RAPGEF5: variants seen among roughly 807,000 people sequenced by gnomAD.
RAPGEF5 encodes the protein Rap guanine nucleotide exchange factor 5, also known as M-Ras-regulated GEF.
In RAPGEF5, 65 loss-of-function variants were observed where a neutral mutation model predicts 125.2. The ratio of observed to expected loss-of-function variants is 0.52; its 90% CI spans 0.43 to 0.64. RAPGEF5 has a LOEUF of 0.64. RAPGEF5 is among the 30% of genes least tolerant of loss of function. RAPGEF5 has a pLI of 0.00. For missense variants in RAPGEF5, 958 were observed against 1,048.1 expected, an observed-to-expected ratio of 0.91 and a Z score of 1.19; for synonymous variants, 391 against 385.9, an observed-to-expected ratio of 1.01 and a Z score of -0.16.
chr7:22,125,514 G>C, intron 25 of RAPGEF5, 90 bp downstream of exon 25: 1 of 1,247,122 alleles, frequency 8.0e-7, no homozygotes, highest in Non-Finnish European at 1.2e-6. Context: ...TTTTCAATCT[G>C]TTTAAATTGA....
intron 11 of RAPGEF5, among the ~76,000 whole-genome samples, chr7:22,172,844 T>C (rs1011220059): frequency 2.0e-5 from 3 of 152,200 alleles, no homozygotes; most frequent in Non-Finnish European, 2.9e-5. Flanking sequence ...TTTTCAACAC[T>C]CATAAGCAAA....
intron 9 of RAPGEF5, among the ~76,000 whole-genome samples, chr7:22,211,266 A>G (rs1262848886): frequency 6.6e-6 from 1 of 152,258 alleles, no homozygotes; most frequent in Non-Finnish European, 1.5e-5. Context: ...CAACCAAAGT[A>G]TATGAATGAC....
chr7:22,321,462 C>T lies in RAPGEF5; in HGVS notation c.232-3425G>A, dbSNP rs141638423. Among the ~76,000 whole-genome samples the T allele has an allele frequency of 2.8e-3, 422 of 152,270 alleles. 1 individual carries two copies. The highest frequency in any genetic ancestry group is 9.5e-3 in the African/African-American group (396 of 41,546). ...TTCATTAGTCCTTAAAAGAGATAGG[C>T]ACAGTTTCCATCAGTTTTTAAAGGA... is the stretch of plus-strand genomic sequence containing the variant. On this transcript the variant is annotated intron_variant, in intron 1 of 25. Coordinates refer to ENST00000665637, the MANE Select transcript of RAPGEF5 (RefSeq NM_012294.5).
chr7:22,254,379 C>T (rs1188710623), intron 7 of RAPGEF5, among the ~76,000 whole-genome samples: 1 of 151,182 alleles, frequency 6.6e-6, no homozygotes, highest in Non-Finnish European at 1.5e-5. Flanking sequence ...GAGGACGAGG[C>T]GGGCGGATCA....
chr7:22,141,986 A>T (rs1321454703), intron 20 of RAPGEF5, among the ~76,000 whole-genome samples: 1 of 152,064 alleles, frequency 6.6e-6, no homozygotes, highest in Admixed American at 6.5e-5. Context: ...GCCTCATTTT[A>T]CTTTTTCTGA....
At chr7:22,232,587 T>A (rs902866025) in intron 7 of RAPGEF5, among the ~76,000 whole-genome samples, 1 of 152,200 alleles carries the variant, frequency 6.6e-6, no homozygotes. Context: ...CCCAAAGTGC[T>A]GGGATTACAA....
At chr7:22,311,954 C>G (rs1783479542) in intron 3 of RAPGEF5, among the ~76,000 whole-genome samples, 1 of 152,214 alleles carries the variant, frequency 6.6e-6, no homozygotes, top group Non-Finnish European at 1.5e-5. Flanking sequence ...CAAAACAATG[C>G]AGGTCCTCAG....
At chr7:22,342,736 A>T (rs998160967) in intron 1 of RAPGEF5, among the ~76,000 whole-genome samples, 7 of 152,226 alleles carry the variant, frequency 4.6e-5, no homozygotes, top group Non-Finnish European at 7.3e-5. Context: ...TTGCTAAAAC[A>T]TAACAAGAGT....
chr7:22,221,049 C>T (rs1022361300), intron 8 of RAPGEF5, among the ~76,000 whole-genome samples: 5 of 152,128 alleles, frequency 3.3e-5, no homozygotes, highest in Non-Finnish European at 7.3e-5. Context: ...AATCTTTGTT[C>T]CCAGGGGCAG....
chr7:22,340,870 C>T (rs1784113373), intron 1 of RAPGEF5, among the ~76,000 whole-genome samples: 1 of 152,144 alleles, frequency 6.6e-6, no homozygotes, highest in African/African-American at 2.4e-5. Context: ...CTCCAGGTAC[C>T]CAGCAACCAA....
At chr7:22,305,831 C>T (rs1783325053) in intron 5 of RAPGEF5, among the ~76,000 whole-genome samples, 2 of 152,186 alleles carry the variant, frequency 1.3e-5, no homozygotes, top group Admixed American at 1.3e-4. Context: ...TGGCGTATGT[C>T]ATTCAACATA....
chr7:22,304,567 C>T lies in RAPGEF5; in HGVS notation c.680+3772G>A, dbSNP rs985785128. ...GCATTCCAATTTGTTTTCCGAGTGG[C>T]GGAGAAGGAGGTGGAGTTAAATCAC... On this transcript the variant is annotated intron_variant, in intron 5 of 25. Coordinates refer to ENST00000665637, the MANE Select transcript of RAPGEF5 (RefSeq NM_012294.5). Among the ~76,000 whole-genome samples the T allele has an allele frequency of 2.0e-4, 31 of 152,158 alleles. No individual in the cohort carries two copies. The East Asian group carries it at 5.6e-3, about 27-fold the overall frequency.
At chr7:22,278,760 AC>A (rs779586935) in intron 6 of RAPGEF5, among the ~76,000 whole-genome samples, 3 of 150,090 alleles carry the variant, frequency 2.0e-5, no homozygotes, top group Admixed American at 6.7e-5. Context: ...AATCCTCTAC[AC>A]AGAGTACAGA....
At chr7:22,129,893 A>G (rs1172137877) in intron 24 of RAPGEF5, among the ~76,000 whole-genome samples, 1 of 152,216 alleles carries the variant, frequency 6.6e-6, no homozygotes, top group Non-Finnish European at 1.5e-5. Context: ...ACTGTTCCCA[A>G]GCTGCTTCAC....
chr7:22,234,742 T>C (rs190800064), intron 7 of RAPGEF5, among the ~76,000 whole-genome samples: 35 of 152,276 alleles, frequency 2.3e-4, no homozygotes, highest in Middle Eastern at 6.8e-3. Flanking sequence ...GGGGCTTAAC[T>C]TGATAGTGCT....
chr7:22,256,272 C>A (rs1786758166), intron 7 of RAPGEF5, among the ~76,000 whole-genome samples: 1 of 152,210 alleles, frequency 6.6e-6, no homozygotes, highest in South Asian at 2.1e-4. Flanking sequence ...GTCCTTGAGG[C>A]AAAAAATTCC....
chr7:22,119,994 G>T lies in RAPGEF5; in HGVS notation c.*2412C>A, dbSNP rs989168862. The stretch of plus-strand genomic sequence containing the variant: ...TTCGGGCTTGAATTCTTTAATTCCA[G>T]ATCTAAGATTCTGCAAAGCTTTGGA... On this transcript the variant is annotated 3_prime_UTR_variant, in exon 26 of 26. Transcript: ENST00000665637. The surrounding 1 kb of genome is among the most constrained non-coding windows in gnomAD (Gnocchi z 4.1). The T allele has an allele frequency of 8.5e-5, 13 of 152,308 alleles. No homozygotes were observed. Among genetic ancestry groups the T allele is most frequent in the African/African-American group, 2.9e-4 (12 of 41,556 alleles). 9.4% of individuals were successfully genotyped at this position (152,308 alleles called of 1,614,324 possible). A position where few individuals can be genotyped will look rare whatever the true frequency, so the allele number is the denominator to read the frequency against.
intron 11 of RAPGEF5, among the ~76,000 whole-genome samples, chr7:22,187,888 G>A (rs916992756): frequency 1.3e-5 from 2 of 152,190 alleles, no homozygotes; most frequent in South Asian, 4.1e-4. Context: ...GCTGCGGATT[G>A]CATCACCTGG....
Position 22,185,165 on chromosome 7 carries a change from A to C in RAPGEF5, c.1204+8202T>G, listed in dbSNP as rs564393653. 2.0e-5 allele frequency among the ~76,000 whole-genome samples: 3 copies of C among 152,172 alleles called. No homozygotes were observed. In the East Asian group the frequency reaches 5.8e-4, roughly 29 times the overall value. On this transcript the variant is annotated intron_variant, in intron 11 of 25. Transcript: ENST00000665637. ...TAGCAAAAATAATCTTCGGGATACA[A>C]CTCGGAATATATTTGGGCTCATTTC... is the stretch of plus-strand genomic sequence containing the variant.
Sources: allele counts gnomAD v4.1 joint callset (sites outside exome capture counted in the v4.1 genomes callset), GRCh38; gene constraint gnomAD v4.1.1; non-coding constraint Gnocchi (gnomAD v3.1); transcripts MANE v1.5; gene names NCBI Gene and HGNC (gene_info 2026-07-23, HGNC 2026-07-21).